The following RACGAP1 variants were observed in gnomAD, a reference collection of about 807,000 sequenced individuals.
RACGAP1 encodes rac GTPase-activating protein 1.
In RACGAP1, 30 loss-of-function variants were observed where a neutral mutation model predicts 78.1. The ratio of observed to expected loss-of-function variants is 0.38; its 90% confidence interval spans 0.29 to 0.52. The LOEUF (loss-of-function observed/expected upper bound fraction) is 0.52. Ranked by LOEUF, RACGAP1 falls within the 20% of genes least tolerant of loss-of-function variation. RACGAP1 has a pLI of 0.82. For missense variants in RACGAP1, 587 were observed against 777.1 expected (o/e 0.76, Z 2.91); for synonymous variants, 231 against 264.8 (o/e 0.87, Z 1.24).
intron 9 of RACGAP1, among the ~76,000 whole-genome samples, chr12:49,998,517 AT>A (rs1417232167): frequency 6.6e-6 from 1 of 152,244 alleles, no homozygotes; most frequent in African/African-American, 2.4e-5. Context: ...TTGGATTTTT[AT>A]AAGGAAATAA....
At chr12:50,009,316 A>G (rs1351967370) in intron 2 of RACGAP1, among the ~76,000 whole-genome samples, 2 of 152,132 alleles carry the variant, frequency 1.3e-5, no homozygotes, top group South Asian at 2.1e-4. Context: ...CGTACACCCT[A>G]AACTATGAAG....
chr12:50,024,531 G>A (rs1950178964), intron 1 of RACGAP1, among the ~76,000 whole-genome samples: 1 of 152,122 alleles, frequency 6.6e-6, no homozygotes, highest in Non-Finnish European at 1.5e-5. Context: ...GGGGCTGAGG[G>A]TTGAAAAACT....
intron 15 of RACGAP1, among the ~76,000 whole-genome samples, chr12:49,991,481 T>TATATATA (rs1592124066): frequency 2.1e-3 from 19 of 9,114 alleles, no homozygotes; most frequent in East Asian, 9.3e-3. Context: ...ATATATATAT[T>TATATATA]TTTTTTTTTT....
intron 1 of RACGAP1, among the ~76,000 whole-genome samples, chr12:50,032,465 C>T (rs1950343631): frequency 6.6e-6 from 1 of 152,290 alleles, no homozygotes; most frequent in African/African-American, 2.4e-5. Context: ...ATACCACCCA[C>T]CCTTCCAATT....
At chr12:49,991,457 T>TAATATATATATATATATATA in intron 15 of RACGAP1, among the ~76,000 whole-genome samples, 1 of 27,402 alleles carries the variant, frequency 3.6e-5, no homozygotes, top group Non-Finnish European at 8.7e-5. Flanking sequence ...ATTTAAACTA[T>TAATATATATATATATATATA]TATATATATA....
At chr12:50,023,045 C>A (rs1449119921) in intron 1 of RACGAP1, among the ~76,000 whole-genome samples, 3 of 152,220 alleles carry the variant, frequency 2.0e-5, no homozygotes, top group Non-Finnish European at 4.4e-5. Context: ...TCTCCTCTAG[C>A]TTAAGTTCCA....
intron 14 of RACGAP1, 54 bp from the exon 15 acceptor site, chr12:49,992,187 GTCTT>G: frequency 6.2e-7 from 1 of 1,612,466 alleles, no homozygotes. Context: ...CTTCTCAACT[GTCTT>G]TCAAGTTATC....
chr12:50,005,953 T>C (rs1948951242), intron 3 of RACGAP1, among the ~76,000 whole-genome samples: 1 of 152,220 alleles, frequency 6.6e-6, no homozygotes, highest in Admixed American at 6.5e-5. Context: ...GTCAGTCACA[T>C]TGCTCAACTG....
At chr12:50,009,151 G>A (rs901194771) in intron 2 of RACGAP1, among the ~76,000 whole-genome samples, 5 of 148,172 alleles carry the variant, frequency 3.4e-5, no homozygotes, top group Middle Eastern at 3.5e-3. Flanking sequence ...GTGTGCGCCT[G>A]TAATCCCAGC....
At chr12:49,992,720 T>G in intron 12 of RACGAP1, 65 bp from the exon 13 acceptor site, 1 of 1,269,244 alleles carries the variant, frequency 7.9e-7, no homozygotes. Flanking sequence ...GCTTCCAAGT[T>G]ATCGACCACA....
At chr12:50,031,456 G>C (rs1304289668) in intron 2 of RACGAP1, among the ~76,000 whole-genome samples, 1 of 115,412 alleles carries the variant, frequency 8.7e-6, no homozygotes, top group Non-Finnish European at 1.6e-5. Flanking sequence ...TCCAGCCTGG[G>C]CAACAGAGCA....
chr12:50,009,562 A>G (rs1387078706), intron 2 of RACGAP1, among the ~76,000 whole-genome samples: 1 of 151,980 alleles, frequency 6.6e-6, no homozygotes, highest in African/African-American at 2.4e-5. Context: ...CAAAGACCCT[A>G]TGTCTCCTTT....
At chr12:50,021,937 T>C (rs747924119) in intron 1 of RACGAP1, among the ~76,000 whole-genome samples, 6 of 152,218 alleles carry the variant, frequency 3.9e-5, no homozygotes, top group African/African-American at 1.4e-4. Flanking sequence ...CTAATACAAC[T>C]GGCGGACAGA....
chr12:49,991,861 A>G (rs1947904402), intron 15 of RACGAP1, 137 bp downstream of exon 15: 20 of 1,511,338 alleles, frequency 1.3e-5, no homozygotes, highest in Non-Finnish European at 1.7e-5. Context: ...AGCAAAAAAA[A>G]ATTACGATGG....
At chr12:50,032,747 C>T (rs1469357154) in intron 1 of RACGAP1, among the ~76,000 whole-genome samples, 1 of 152,154 alleles carries the variant, frequency 6.6e-6, no homozygotes, top group African/African-American at 2.4e-5. Context: ...GGTGCAGTAT[C>T]CGGTTATTTA....
intron 16 of RACGAP1, 92 bp downstream of exon 16, chr12:49,990,592 G>A (rs1029352038): frequency 2.5e-5 from 26 of 1,054,928 alleles, no homozygotes; most frequent in Non-Finnish European, 3.5e-5. Context: ...AGCTAAAATC[G>A]AATGCAATTT....
At chr12:49,993,988 T>A in intron 12 of RACGAP1, 143 bp downstream of exon 12, 1 of 770,634 alleles carries the variant, frequency 1.3e-6, no homozygotes, top group South Asian at 2.1e-5. Flanking sequence ...GAGGTTGCAG[T>A]GAGCTGAGAT....
upstream of RACGAP1, among the ~76,000 whole-genome samples, chr12:50,026,156 C>G (rs1459739880): frequency 6.6e-6 from 1 of 152,118 alleles, no homozygotes; most frequent in Non-Finnish European, 1.5e-5. Context: ...ACTCTGGACC[C>G]ACAGTGAGAA....
intron 5 of RACGAP1, 44 bp downstream of exon 5, chr12:50,004,191 A>C (rs1325088623): frequency 6.3e-7 from 1 of 1,579,530 alleles, no homozygotes; most frequent in African/African-American, 1.3e-5. Context: ...GGGGAAGCAG[A>C]GGTAAGAAAA....
Sources: gnomAD v4.1 joint callset for allele counts (sites outside exome capture counted in the v4.1 genomes callset) on GRCh38, gnomAD v4.1.1 for gene constraint, MANE v1.5 for transcripts, NCBI Gene and HGNC (gene_info 2026-07-23, HGNC 2026-07-21) for gene names.